Variants in MAGI2 observed in about 807,000 individuals in gnomAD.
MAGI2 encodes the protein membrane-associated guanylate kinase, WW and PDZ domain-containing protein 2.
A neutral mutation model predicts 133.3 loss-of-function variants in MAGI2; 35 were observed. The ratio of observed to expected loss-of-function variants is 0.26; its 90% CI spans 0.20 to 0.35. MAGI2 has a LOEUF of 0.35. MAGI2 is among the 10% of genes least tolerant of loss of function. MAGI2 has a pLI of 1.00. For synonymous variants in MAGI2, 729 were observed against 710.6 expected (o/e 1.03, Z -0.41); for missense variants, 1,636 against 1,863.4 (o/e 0.88, Z 2.25).
At position 78,234,968 on chromosome 7, in the gene MAGI2, AT is replaced by A. The variant is rs904562469; in HGVS notation, c.2047+20974del. ...ATAGTGGCAGAGAGTGAGGAATGTG[AT>A]TTTTTTTTAATTTAAGTTTTAAAAT... On this transcript the variant is annotated intron_variant, in intron 10 of 21. Transcript: ENST00000354212. Among the ~76,000 whole-genome samples, 57 of 151,956 alleles carry A rather than the reference AT, an allele frequency of 3.8e-4. 1 individual carries two copies. The highest frequency in any genetic ancestry group is 1.2e-3 in the African/African-American group (50 of 41,450).
chr7:78,389,278 C>T (rs546697160), intron 6 of MAGI2, among the ~76,000 whole-genome samples: 24 of 152,196 alleles, frequency 1.6e-4, no homozygotes, highest in Admixed American at 5.2e-4. Context: ...GACTGGAAGG[C>T]GCTCCATGGG....
At chr7:78,666,865 A>G (rs1813648909) in intron 2 of MAGI2, among the ~76,000 whole-genome samples, 1 of 152,158 alleles carries the variant, frequency 6.6e-6, no homozygotes, top group Non-Finnish European at 1.5e-5. Flanking sequence ...TCAGATTCTT[A>G]GTCTATTGCT....
chr7:79,404,981 A>G (rs1033411714), intron 1 of MAGI2, among the ~76,000 whole-genome samples: 2 of 152,028 alleles, frequency 1.3e-5, no homozygotes, highest in African/African-American at 4.8e-5. Context: ...ACATGAGTGC[A>G]TGGGTCTCCT....
At chr7:78,051,535 C>T (rs1465817423) in intron 21 of MAGI2, among the ~76,000 whole-genome samples, 5 of 152,268 alleles carry the variant, frequency 3.3e-5, no homozygotes, top group South Asian at 4.1e-4. Flanking sequence ...GCAGCCATTG[C>T]GTAGCCATTT....
chr7:78,020,118 C>T, intron 21 of MAGI2, 142 bp from the exon 22 acceptor site: 1 of 756,634 alleles, frequency 1.3e-6, no homozygotes, highest in South Asian at 2.0e-5. Flanking sequence ...CACCCCCACC[C>T]TCACTGCCGA....
At chr7:78,480,584 G>C (rs1792258373) in intron 6 of MAGI2, among the ~76,000 whole-genome samples, 1 of 151,854 alleles carries the variant, frequency 6.6e-6, no homozygotes, top group Admixed American at 6.6e-5. Context: ...TTTAATATTT[G>C]AAAATCACTC....
chr7:78,535,364 G>C (rs998233258), intron 3 of MAGI2, among the ~76,000 whole-genome samples: 1 of 152,176 alleles, frequency 6.6e-6, no homozygotes, highest in Non-Finnish European at 1.5e-5. Flanking sequence ...GAAGCCCTTA[G>C]GGGTTTTAAA....
chr7:78,583,210 C>T (rs1803022543), intron 3 of MAGI2, among the ~76,000 whole-genome samples: 1 of 152,006 alleles, frequency 6.6e-6, no homozygotes, highest in Non-Finnish European at 1.5e-5. Flanking sequence ...CCTCTCTCAC[C>T]CCTTAAAAAT....
intron 1 of MAGI2, among the ~76,000 whole-genome samples, chr7:79,256,369 T>C (rs973012345): frequency 6.6e-6 from 1 of 152,198 alleles, no homozygotes; most frequent in African/African-American, 2.4e-5. Context: ...TGAATAATAA[T>C]GTCCTCTTCA....
chr7:78,333,284 T>G (rs1161022436), intron 9 of MAGI2, among the ~76,000 whole-genome samples: 3 of 152,170 alleles, frequency 2.0e-5, no homozygotes, highest in African/African-American at 7.2e-5. Flanking sequence ...CCAGAAAGAT[T>G]GTGAGAAGGC....
chr7:78,640,179 A>G (rs555555271), intron 2 of MAGI2, among the ~76,000 whole-genome samples: 1 of 152,334 alleles, frequency 6.6e-6, no homozygotes, highest in South Asian at 2.1e-4. Flanking sequence ...AGAGCAAATT[A>G]AAAGTGATAC....
Position 78,715,952 on chromosome 7 carries a change from C to A in MAGI2, c.419-88713G>T, listed in dbSNP as rs533658204. On this transcript the variant is annotated intron_variant, in intron 2 of 21. Coordinates refer to ENST00000354212, the MANE Select transcript of MAGI2 (RefSeq NM_012301.4). Reference sequence around the variant, plus strand: ...AAAGAACATCTTGGAATCATAATTTCATTCCAGTTAGAAAATGGAGATTCA... The same window carrying A: ...AAAGAACATCTTGGAATCATAATTTAATTCCAGTTAGAAAATGGAGATTCA... Among the ~76,000 whole-genome samples, 52 of 137,956 alleles carry A rather than the reference C, an allele frequency of 3.8e-4. No individual in the cohort carries two copies. In the South Asian group the frequency reaches 6.1e-3, roughly 16 times the overall value. 90.5% of individuals were successfully genotyped at this position (137,956 alleles called of 152,430 possible).
intron 1 of MAGI2, among the ~76,000 whole-genome samples, chr7:79,083,177 T>A (rs1187592280): frequency 2.0e-5 from 3 of 151,636 alleles, no homozygotes; most frequent in African/African-American, 7.3e-5. Context: ...TTATTTTTCA[T>A]TTAGCTTAAA....
chr7:78,501,933 AC>A, intron 4 of MAGI2, 146 bp from the exon 5 acceptor site: 1 of 620,688 alleles, frequency 1.6e-6, no homozygotes, highest in Admixed American at 2.8e-5. Context: ...CATAATGATC[AC>A]TAGGCCTATT....
intron 10 of MAGI2, among the ~76,000 whole-genome samples, chr7:78,212,271 T>G (rs1408612856): frequency 6.6e-6 from 1 of 152,068 alleles, no homozygotes; most frequent in Non-Finnish European, 1.5e-5. Context: ...GCGTGTAGGC[T>G]ACTTTACAAG....
intron 1 of MAGI2, among the ~76,000 whole-genome samples, chr7:79,270,868 T>C (rs1388119051): frequency 6.6e-6 from 1 of 152,168 alleles, no homozygotes; most frequent in African/African-American, 2.4e-5. Context: ...CATACCACTT[T>C]CCCTGTTATT....
chr7:78,124,190 T>A (rs1820738105), intron 20 of MAGI2, among the ~76,000 whole-genome samples: 1 of 152,218 alleles, frequency 6.6e-6, no homozygotes, highest in South Asian at 2.1e-4. Flanking sequence ...AGATTAATTT[T>A]GTTTTACTTA....
intron 1 of MAGI2, among the ~76,000 whole-genome samples, chr7:79,119,640 T>C (rs1819712873): frequency 6.6e-6 from 1 of 152,094 alleles, no homozygotes; most frequent in African/African-American, 2.4e-5. Flanking sequence ...AAGGAGGAGA[T>C]GCTTTAGAAA....
intron 2 of MAGI2, among the ~76,000 whole-genome samples, chr7:78,735,674 T>C (rs1403859563): frequency 6.6e-6 from 1 of 152,176 alleles, no homozygotes; most frequent in Non-Finnish European, 1.5e-5. Flanking sequence ...TTTTAATAAA[T>C]TTAAATAAAC....
Sources: allele counts gnomAD v4.1 joint callset (sites outside exome capture counted in the v4.1 genomes callset), GRCh38; gene constraint gnomAD v4.1.1; transcripts MANE v1.5; gene names NCBI Gene and HGNC (gene_info 2026-07-23, HGNC 2026-07-21).